The following GNG4 variants were observed in gnomAD, a reference collection of about 807,000 sequenced individuals.
GNG4 encodes the protein guanine nucleotide-binding protein G(I)/G(S)/G(O) subunit gamma-4.
Under a neutral mutation model 5.8 loss-of-function variants are expected in GNG4, and 4 were observed. That is an observed-to-expected ratio of 0.69 (90% CI 0.34 to 1.57). The LOEUF (loss-of-function observed/expected upper bound fraction) is 1.57. Among genes scored for constraint, GNG4 ranks in the 40% most tolerant of loss-of-function variants. GNG4 has a pLI of 0.06. For missense variants in GNG4, 96 were observed against 95.1 expected (o/e 1.01, Z -0.04); for synonymous variants, 29 against 32.9 (o/e 0.88, Z 0.41).
intron 1 of GNG4, among the ~76,000 whole-genome samples, chr1:235,625,062 G>C (rs1264730196): frequency 6.6e-6 from 1 of 151,954 alleles, no homozygotes; most frequent in Non-Finnish European, 1.5e-5. Context: ...TTTCCAAGAA[G>C]CAGGTCAGGG....
chr1:235,574,522 C>A (rs111753244), intron 3 of GNG4, among the ~76,000 whole-genome samples: 1 of 152,140 alleles, frequency 6.6e-6, no homozygotes, highest in African/African-American at 2.4e-5. Flanking sequence ...TTGTTGGAAG[C>A]GCTTTAAGTA....
At chr1:235,596,642 A>T (rs377511571) in intron 1 of GNG4, among the ~76,000 whole-genome samples, 2 of 152,372 alleles carry the variant, frequency 1.3e-5, no homozygotes, top group African/African-American at 4.8e-5. Context: ...GTTGATGTAT[A>T]ATATACTTAC....
intron 1 of GNG4, among the ~76,000 whole-genome samples, chr1:235,606,854 G>T (rs370187764): frequency 2.0e-5 from 3 of 152,020 alleles, no homozygotes; most frequent in African/African-American, 4.8e-5. Context: ...AGCAGCATGG[G>T]GGGGCGAGCA....
chr1:235,618,139 T>C (rs1688636281), intron 1 of GNG4, among the ~76,000 whole-genome samples: 1 of 152,182 alleles, frequency 6.6e-6, no homozygotes, highest in Non-Finnish European at 1.5e-5. Context: ...GATTTGCTAC[T>C]TCCATAAATA....
intron 1 of GNG4, among the ~76,000 whole-genome samples, chr1:235,596,336 G>C (rs138746482): frequency 6.6e-6 from 1 of 151,912 alleles, no homozygotes; most frequent in South Asian, 2.1e-4. Flanking sequence ...TGGGAAGTTC[G>C]AGACCAGCCT....
intron 1 of GNG4, chr1:235,615,879 G>T: frequency 7.1e-6 from 2 of 280,632 alleles, no homozygotes; most frequent in South Asian, 4.1e-5. Context: ...TCTCTGTGCT[G>T]GTTCTGCAGG....
At chr1:235,590,843 T>C (rs1443961431) in intron 2 of GNG4, among the ~76,000 whole-genome samples, 3 of 152,204 alleles carry the variant, frequency 2.0e-5, no homozygotes, top group Non-Finnish European at 2.9e-5. Flanking sequence ...GATTCCTTAG[T>C]GTCCAAATTA....
chr1:235,587,803 AGT>A (rs1014638747), intron 2 of GNG4, among the ~76,000 whole-genome samples: 3 of 110,074 alleles, frequency 2.7e-5, no homozygotes, highest in African/African-American at 6.8e-5. Context: ...TGAAGGTGAG[AGT>A]GTGAATACAG....
chr1:235,586,572 G>A (rs184722801), intron 2 of GNG4, among the ~76,000 whole-genome samples: 1 of 152,338 alleles, frequency 6.6e-6, no homozygotes, highest in Admixed American at 6.5e-5. Flanking sequence ...GTCCTGGTGG[G>A]AGGTACTGGA....
intron 1 of GNG4, among the ~76,000 whole-genome samples, chr1:235,600,154 G>A (rs893351274): frequency 5.1e-5 from 6 of 118,344 alleles, no homozygotes; most frequent in Admixed American, 1.1e-4. Flanking sequence ...TCACTCTGTC[G>A]CCCAGGCTGG....
At chr1:235,596,248 A>C (rs1268324243) in intron 1 of GNG4, among the ~76,000 whole-genome samples, 1 of 137,532 alleles carries the variant, frequency 7.3e-6, no homozygotes, top group Non-Finnish European at 1.6e-5. Context: ...ACACACACAC[A>C]CACACCTGGC....
At chr1:235,616,513 A>G (rs1232316764) in intron 1 of GNG4, 1 of 198,690 alleles carries the variant, frequency 5.0e-6, no homozygotes, top group Non-Finnish European at 1.0e-5. Context: ...TGAAAAACTT[A>G]CACAGATTGT....
chr1:235,640,751 C>T (rs967890340), intron 1 of GNG4, among the ~76,000 whole-genome samples: 6 of 152,236 alleles, frequency 3.9e-5, no homozygotes, highest in Admixed American at 3.3e-4. Flanking sequence ...GGGGCCACCA[C>T]CCCCTGCAGG....
intron 1 of GNG4, among the ~76,000 whole-genome samples, chr1:235,623,027 G>A (rs1056613068): frequency 8.6e-5 from 13 of 151,946 alleles, no homozygotes; most frequent in African/African-American, 2.7e-4. Flanking sequence ...GCAACAGAGC[G>A]AGCCTCTGTT....
At chr1:235,606,519 A>AG (rs539844451) in intron 1 of GNG4, among the ~76,000 whole-genome samples, 6 of 151,972 alleles carry the variant, frequency 3.9e-5, no homozygotes, top group Non-Finnish European at 5.9e-5. Context: ...GATGCTGGGG[A>AG]GGGGGGAAAG....
rs139262331 is a variant in GNG4 at position 235,626,174 on chromosome 1, A to G, written c.-123+23488T>C. Among the ~76,000 whole-genome samples the G allele has an allele frequency of 1.5e-3, 228 of 152,262 alleles. 1 individual carries two copies. Among genetic ancestry groups the G allele is most frequent in the African/African-American group, 5.2e-3 (216 of 41,546 alleles). On this transcript the variant is annotated intron_variant, in intron 1 of 3. Coordinates refer to ENST00000391854, the MANE Select transcript of GNG4 (RefSeq NM_001098722.2). ...CCTCCTTTTCATTTGCATTTCCCTA[A>G]TGACATATGATGTTGAGCTTCTCTT... is the stretch of plus-strand genomic sequence containing the variant.
intron 2 of GNG4, among the ~76,000 whole-genome samples, chr1:235,586,992 G>A (rs1360459450): frequency 2.6e-5 from 4 of 152,184 alleles, no homozygotes; most frequent in East Asian, 3.9e-4. Context: ...CTTTGACTTG[G>A]GCATTTAGGA....
chr1:235,587,332 TGAGAGC>T (rs1687797641), intron 2 of GNG4, among the ~76,000 whole-genome samples: 3 of 88,686 alleles, frequency 3.4e-5, no homozygotes, highest in African/African-American at 9.8e-5. Context: ...TGTGAGAGTG[TGAGAGC>T]ATGTATGAGG....
intron 1 of GNG4, among the ~76,000 whole-genome samples, chr1:235,640,090 C>T (rs1427871316): frequency 6.6e-6 from 1 of 152,072 alleles, no homozygotes; most frequent in Non-Finnish European, 1.5e-5. Context: ...GCTGGTTTCC[C>T]CACAGAGAAG....
Sources: gnomAD v4.1 joint callset for allele counts (sites outside exome capture counted in the v4.1 genomes callset) on GRCh38, gnomAD v4.1.1 for gene constraint, MANE v1.5 for transcripts, NCBI Gene and HGNC (gene_info 2026-07-23, HGNC 2026-07-21) for gene names.